The following KCNMB4 variants were observed in gnomAD, a reference collection of about 807,000 sequenced individuals.
KCNMB4 encodes the protein calcium-activated potassium channel subunit beta-4.
KCNMB4 carries 3 observed loss-of-function variants against 20.7 expected under a neutral mutation model. That is an observed-to-expected ratio of 0.14 (90% confidence interval 0.07 to 0.37). The LOEUF is 0.37. Ranked by LOEUF, KCNMB4 falls within the 10% of genes least tolerant of loss-of-function variation. The pLI is 1.00. For synonymous variants in KCNMB4, 110 were observed against 113.4 expected (o/e 0.97, Z 0.19); for missense variants, 168 against 265.9 (o/e 0.63, Z 2.56).
chr12:70,397,186 C>T (rs1171431605), intron 1 of KCNMB4, among the ~76,000 whole-genome samples: 1 of 151,976 alleles, frequency 6.6e-6, no homozygotes, highest in African/African-American at 2.4e-5. Flanking sequence ...AGACAGACAC[C>T]TTCTCTACAA....
intron 1 of KCNMB4, among the ~76,000 whole-genome samples, chr12:70,374,360 T>C (rs974050713): frequency 3.9e-5 from 6 of 152,190 alleles, no homozygotes; most frequent in African/African-American, 1.2e-4. Context: ...CTTAGCAGAA[T>C]TTCAATTCAG....
chr12:70,385,377 T>C (rs1868249315), intron 1 of KCNMB4, among the ~76,000 whole-genome samples: 1 of 152,214 alleles, frequency 6.6e-6, no homozygotes. Context: ...TTGAGCTTTC[T>C]TTCATCTAGC....
At chr12:70,416,934 T>C (rs985895646) in intron 2 of KCNMB4, among the ~76,000 whole-genome samples, 88 of 152,166 alleles carry the variant, frequency 5.8e-4, no homozygotes, top group Admixed American at 5.7e-3. Flanking sequence ...TGTTAACAAT[T>C]GGGAATCTTC....
intron 2 of KCNMB4, among the ~76,000 whole-genome samples, chr12:70,427,157 C>T (rs1013036100): frequency 1.3e-5 from 2 of 152,160 alleles, no homozygotes; most frequent in African/African-American, 4.8e-5. Flanking sequence ...TAGTTCATTC[C>T]CTACCATATA....
chr12:70,429,560 A>G (rs201087264), intron 2 of KCNMB4, among the ~76,000 whole-genome samples: 7 of 151,424 alleles, frequency 4.6e-5, no homozygotes, highest in Non-Finnish European at 8.8e-5. Context: ...CCAGCTACTC[A>G]GGAGGCTGAG....
chr12:70,407,530 T>A (rs187520842), intron 2 of KCNMB4, among the ~76,000 whole-genome samples: 46 of 138,628 alleles, frequency 3.3e-4, no homozygotes, highest in African/African-American at 1.2e-3. Context: ...TGCAGTGGCT[T>A]GATCTCTGCT....
chr12:70,379,195 G>A (rs2136118496), intron 1 of KCNMB4, among the ~76,000 whole-genome samples: 1 of 152,244 alleles, frequency 6.6e-6, no homozygotes. Flanking sequence ...ACTGGCTTCA[G>A]CTTAAAGTCA....
At chr12:70,388,130 G>T (rs1010593186) in intron 1 of KCNMB4, among the ~76,000 whole-genome samples, 1 of 151,860 alleles carries the variant, frequency 6.6e-6, no homozygotes, top group African/African-American at 2.4e-5. Flanking sequence ...CTCCAGTTCC[G>T]TCCATGATGT....
chr12:70,389,931 A>G (rs373952346), intron 1 of KCNMB4, among the ~76,000 whole-genome samples: 3 of 152,332 alleles, frequency 2.0e-5, no homozygotes, highest in African/African-American at 7.2e-5. Context: ...AGGCCCATGT[A>G]TAGATCAGAG....
At chr12:70,417,743 T>A (rs1034794379) in intron 2 of KCNMB4, among the ~76,000 whole-genome samples, 1 of 152,216 alleles carries the variant, frequency 6.6e-6, no homozygotes, top group African/African-American at 2.4e-5. Flanking sequence ...ACTGACACTC[T>A]ATGGCACTGG....
intron 1 of KCNMB4, among the ~76,000 whole-genome samples, chr12:70,381,046 CACA>C (rs943138613): frequency 1.5e-4 from 22 of 149,472 alleles, no homozygotes; most frequent in African/African-American, 4.9e-4. Flanking sequence ...ATGCTTACAA[CACA>C]ACAAGACAAA....
rs1368307394 is a variant in KCNMB4 at position 70,429,361 on chromosome 12, CTT to C, written c.465-1123_465-1122del. 2.0e-5 allele frequency among the ~76,000 whole-genome samples: 3 copies of C among 152,094 alleles called. No individual in the cohort carries two copies. The South Asian group carries it at 6.2e-4, about 32-fold the overall frequency. Reference sequence around the variant, plus strand: ...GAAATATCTTACAAAATGTAAACCTCTTGTATTAAAAAGTTAAAATTCCGGCC... The same window carrying C: ...GAAATATCTTACAAAATGTAAACCTCGTATTAAAAAGTTAAAATTCCGGCC... On this transcript the variant is annotated intron_variant, in intron 2 of 2. Transcript: ENST00000258111.
chr12:70,374,519 T>A (rs1372163831), intron 1 of KCNMB4, among the ~76,000 whole-genome samples: 1 of 152,220 alleles, frequency 6.6e-6, no homozygotes, highest in Non-Finnish European at 1.5e-5. Flanking sequence ...CATAAATTAA[T>A]GTGTAAAAAA....
intron 1 of KCNMB4, among the ~76,000 whole-genome samples, chr12:70,392,542 T>G (rs1343335691): frequency 6.6e-6 from 1 of 152,206 alleles, no homozygotes; most frequent in African/African-American, 2.4e-5. Context: ...GTTTGTTTAT[T>G]GCAGCACTGT....
chr12:70,425,370 A>G (rs968401637), intron 2 of KCNMB4, among the ~76,000 whole-genome samples: 4 of 152,278 alleles, frequency 2.6e-5, no homozygotes, highest in East Asian at 3.9e-4. Flanking sequence ...CTCAGGAGGC[A>G]GAGCTTGCAG....
chr12:70,415,314 T>C (rs535415484), intron 2 of KCNMB4, among the ~76,000 whole-genome samples: 2 of 152,326 alleles, frequency 1.3e-5, no homozygotes, highest in East Asian at 1.9e-4. Context: ...ACCTCCACAC[T>C]GAGATTACAG....
chr12:70,409,694 G>C (rs1358361832), intron 2 of KCNMB4, among the ~76,000 whole-genome samples: 1 of 152,176 alleles, frequency 6.6e-6, no homozygotes, highest in Non-Finnish European at 1.5e-5. Flanking sequence ...AGACCTTTCT[G>C]TGTAAATTAA....
intron 1 of KCNMB4, among the ~76,000 whole-genome samples, chr12:70,368,129 G>A (rs1883527897): frequency 6.6e-6 from 1 of 151,810 alleles, no homozygotes; most frequent in Non-Finnish European, 1.5e-5. Context: ...CTTTTTTTGA[G>A]GGATCAAGCA....
chr12:70,391,646 A>G (rs1307990940), intron 1 of KCNMB4, among the ~76,000 whole-genome samples: 9 of 152,180 alleles, frequency 5.9e-5, no homozygotes, highest in Non-Finnish European at 1.2e-4. Context: ...TATAAAGGAC[A>G]CAGAGAAGAA....
Sources: allele counts gnomAD v4.1 joint callset (sites outside exome capture counted in the v4.1 genomes callset), GRCh38; gene constraint gnomAD v4.1.1; transcripts MANE v1.5; gene names NCBI Gene and HGNC (gene_info 2026-07-23, HGNC 2026-07-21).